AP2B1: variants seen among roughly 807,000 people sequenced by gnomAD.
AP2B1 encodes the protein AP-2 complex subunit beta.
AP2B1 carries 23 observed loss-of-function variants against 102.0 expected under a neutral mutation model. The ratio of observed to expected loss-of-function variants is 0.23; its 90% CI spans 0.16 to 0.32. The LOEUF (loss-of-function observed/expected upper bound fraction) is 0.32, where lower values mean the gene tolerates loss of function less well. AP2B1 is among the 10% of genes least tolerant of loss of function. AP2B1 has a pLI of 1.00. For synonymous variants in AP2B1, 381 were observed against 421.2 expected (o/e 0.90, Z 1.17); for missense variants, 541 against 1,157.4 (o/e 0.47, Z 7.73).
At chr17:35,636,116 G>C (rs1772355080) in intron 9 of AP2B1, among the ~76,000 whole-genome samples, 1 of 151,790 alleles carries the variant, frequency 6.6e-6, no homozygotes, top group Admixed American at 6.6e-5. Context: ...CCTTTTGTTT[G>C]TATTCAAAGG....
chr17:35,617,959 G>A (rs1453861297), intron 5 of AP2B1, among the ~76,000 whole-genome samples: 1 of 152,110 alleles, frequency 6.6e-6, no homozygotes, highest in East Asian at 1.9e-4. Context: ...AACCACTTAA[G>A]TAATGAATTT....
intron 9 of AP2B1, among the ~76,000 whole-genome samples, chr17:35,633,874 C>A (rs1211045403): frequency 6.6e-5 from 10 of 152,176 alleles, no homozygotes; most frequent in Admixed American, 6.5e-4. Context: ...GGGCCAGGCG[C>A]TGTGGCTCAC....
At chr17:35,616,257 C>T (rs1329207050) in intron 5 of AP2B1, among the ~76,000 whole-genome samples, 8 of 145,066 alleles carry the variant, frequency 5.5e-5, no homozygotes, top group Admixed American at 2.2e-4. Context: ...CTCCGCCTCC[C>T]GGGTTCATGC....
intron 18 of AP2B1, among the ~76,000 whole-genome samples, chr17:35,706,648 CTTTTTTT>C (rs879890152): frequency 6.9e-6 from 1 of 145,820 alleles, no homozygotes; most frequent in Admixed American, 6.9e-5. Flanking sequence ...CCAGTTTTCA[CTTTTTTT>C]TTTTTGAGGC....
At chr17:35,635,416 G>A (rs1171661121) in intron 9 of AP2B1, among the ~76,000 whole-genome samples, 2 of 152,228 alleles carry the variant, frequency 1.3e-5, no homozygotes, top group Middle Eastern at 3.4e-3. Flanking sequence ...ACGGAGTCTC[G>A]TTCTGTCAAC....
intron 21 of AP2B1, among the ~76,000 whole-genome samples, chr17:35,721,293 G>A (rs1269844532): frequency 6.6e-6 from 1 of 152,174 alleles, no homozygotes; most frequent in Non-Finnish European, 1.5e-5. Flanking sequence ...TGGATGCATA[G>A]CCCCTTAATT....
intron 13 of AP2B1, among the ~76,000 whole-genome samples, chr17:35,651,637 A>G (rs999805757): frequency 2.0e-5 from 3 of 152,080 alleles, no homozygotes; most frequent in East Asian, 1.9e-4. Context: ...TGGCCAAAGT[A>G]TAGGATTTAT....
intron 1 of AP2B1, among the ~76,000 whole-genome samples, chr17:35,592,673 G>T (rs2073140776): frequency 1.3e-5 from 2 of 152,262 alleles, no homozygotes; most frequent in South Asian, 4.1e-4. Flanking sequence ...CTCCCAAGTA[G>T]CTGGGATTAA....
chr17:35,604,250 G>A (rs2073586520), intron 3 of AP2B1, among the ~76,000 whole-genome samples: 2 of 152,094 alleles, frequency 1.3e-5, no homozygotes, highest in African/African-American at 4.8e-5. Context: ...TGGGACCACA[G>A]GCGCACACCA....
intron 18 of AP2B1, among the ~76,000 whole-genome samples, chr17:35,688,007 A>G (rs1269241564): frequency 6.6e-6 from 1 of 152,222 alleles, no homozygotes; most frequent in Non-Finnish European, 1.5e-5. Flanking sequence ...CATTGAGATC[A>G]GACCCTTCAA....
chr17:35,680,686 G>GTTTTGGTT (rs2075798925), intron 17 of AP2B1, among the ~76,000 whole-genome samples: 2 of 59,932 alleles, frequency 3.3e-5, no homozygotes, highest in African/African-American at 1.5e-4. Context: ...TATGGTTTTG[G>GTTTTGGTT]TTTTTTTTTT....
intron 12 of AP2B1, among the ~76,000 whole-genome samples, chr17:35,648,864 A>G (rs1686868588): frequency 6.6e-6 from 1 of 150,980 alleles, no homozygotes; most frequent in Admixed American, 6.6e-5. Flanking sequence ...TAATTGGGGG[A>G]GATTTTTTTT....
intron 18 of AP2B1, among the ~76,000 whole-genome samples, chr17:35,692,973 T>G (rs2076068636): frequency 6.6e-6 from 1 of 151,802 alleles, no homozygotes; most frequent in South Asian, 2.1e-4. Flanking sequence ...ACGGAGTTGT[T>G]TATTTGGCGT....
intron 11 of AP2B1, 42 bp from the exon 12 acceptor site, chr17:35,641,835 C>A: frequency 7.0e-7 from 1 of 1,427,028 alleles, no homozygotes; most frequent in Non-Finnish European, 9.8e-7. Context: ...GGAATAATGC[C>A]AGTGCCATTC....
At chr17:35,660,977 G>A (rs1348461597) in intron 14 of AP2B1, among the ~76,000 whole-genome samples, 5 of 152,186 alleles carry the variant, frequency 3.3e-5, no homozygotes, top group Non-Finnish European at 7.3e-5. Context: ...GCCATAGTTA[G>A]AATTGTGTGG....
At chr17:35,674,452 C>T (rs886219334) in intron 17 of AP2B1, 131 bp downstream of exon 17, 4 of 1,145,438 alleles carry the variant, frequency 3.5e-6, no homozygotes, top group Non-Finnish European at 4.9e-6. Context: ...GCCTATAATC[C>T]CAGCATTTGG....
rs190472067 is a variant in AP2B1, at chr17:35,674,949, C to T, written c.2324+628C>T. Among the ~76,000 whole-genome samples, 6 of 152,318 alleles carry T rather than the reference C, an allele frequency of 3.9e-5. No individual in the cohort carries two copies. In the East Asian group the frequency reaches 1.2e-3, roughly 29 times the overall value. ...TCAACAAATCATTGTTTAACATTAG[C>T]ATGAGCCAGACATTTCTAGGTACTG... On this transcript the variant is annotated intron_variant, in intron 17 of 21. Transcript: ENST00000610402.
intron 18 of AP2B1, among the ~76,000 whole-genome samples, chr17:35,694,280 A>G (rs932038677): frequency 5.3e-5 from 8 of 151,934 alleles, no homozygotes; most frequent in South Asian, 2.1e-4. Flanking sequence ...GTCTTGCTCA[A>G]CTTCCCACGT....
At chr17:35,598,700 C>G (rs533579149) in intron 3 of AP2B1, among the ~76,000 whole-genome samples, 2 of 152,332 alleles carry the variant, frequency 1.3e-5, no homozygotes, top group South Asian at 2.1e-4. Context: ...TTAACTGGCT[C>G]AAGCCACTGC....
Sources: gnomAD v4.1 joint callset for allele counts (sites outside exome capture counted in the v4.1 genomes callset) on GRCh38, gnomAD v4.1.1 for gene constraint, MANE v1.5 for transcripts, NCBI Gene and HGNC (gene_info 2026-07-23, HGNC 2026-07-21) for gene names.